The following USP37 variants were observed in gnomAD, a reference collection of about 807,000 sequenced individuals.
USP37 encodes the protein ubiquitin specific peptidase 37, also known as ubiquitin carboxyl-terminal hydrolase 37.
USP37 carries 27 observed loss-of-function variants against 124.0 expected under a neutral mutation model. The observed-to-expected ratio is 0.22, with a 90% CI of 0.16 to 0.30. USP37 has a LOEUF of 0.30. USP37 is among the 10% of genes least tolerant of loss of function. The pLI is 1.00. For synonymous variants in USP37, 365 were observed against 388.0 expected (o/e 0.94, Z 0.70); for missense variants, 889 against 1,140.4 (o/e 0.78, Z 3.17).
At chr2:218,469,550 C>A (rs1458632227) in intron 20 of USP37, among the ~76,000 whole-genome samples, 1 of 151,970 alleles carries the variant, frequency 6.6e-6, no homozygotes, top group South Asian at 2.1e-4. Context: ...TTTTCTTAAC[C>A]AATAATTTTG....
intron 13 of USP37, 40 bp from the exon 14 acceptor site, chr2:218,495,990 T>G: frequency 6.4e-7 from 1 of 1,566,964 alleles, no homozygotes; most frequent in South Asian, 1.2e-5. Flanking sequence ...TAAAAACATT[T>G]CTTGTCACAA....
chr2:218,558,632 C>A lies in USP37; in HGVS notation c.22G>T (p.Gly8Cys). 1.2e-6 allele frequency: 2 copies of A among 1,609,280 alleles called. No individual in the cohort carries two copies. Among genetic ancestry groups the A allele is most frequent in the Non-Finnish European group, 1.7e-6 (2 of 1,178,020 alleles). Residue 8 changes from glycine to cysteine, a missense_variant, in exon 4 of 26, where the codon GGT becomes TGT. By Grantham distance (159) the Gly-to-Cys change is radical (BLOSUM62 -3). Transcript: ENST00000258399. ...TGCATACTTCGAATTCTGATAGGAC[C>A]ATGTATCTTCAGAGGAGACATATTT... MSPLKIH[G>C]PIRIRSMQTG...
intron 17 of USP37, among the ~76,000 whole-genome samples, chr2:218,480,317 G>A (rs1273108542): frequency 1.4e-5 from 2 of 147,902 alleles, no homozygotes; most frequent in African/African-American, 2.5e-5. Context: ...GGAGAATGGC[G>A]TGAAGCCGGG....
chr2:218,556,564 A>C (rs2106056201), intron 4 of USP37, among the ~76,000 whole-genome samples: 1 of 113,762 alleles, frequency 8.8e-6, no homozygotes. Flanking sequence ...CCCAGGCTGG[A>C]GTGCAATGGT....
intron 11 of USP37, among the ~76,000 whole-genome samples, chr2:218,506,664 T>C (rs1189658406): frequency 6.6e-6 from 1 of 151,844 alleles, no homozygotes. Context: ...CCATTTCCAT[T>C]TGAAATTATT....
intron 3 of USP37, among the ~76,000 whole-genome samples, chr2:218,560,346 C>G (rs988251073): frequency 6.6e-6 from 1 of 152,154 alleles, no homozygotes; most frequent in Non-Finnish European, 1.5e-5. Flanking sequence ...AGCCAGCCAG[C>G]CCTATCACTT....
intron 20 of USP37, among the ~76,000 whole-genome samples, chr2:218,468,722 C>T (rs1690507076): frequency 6.6e-6 from 1 of 152,050 alleles, no homozygotes. Context: ...GAGACCGACT[C>T]TCACTCTGTT....
At position 218,541,461 on chromosome 2, in the gene USP37, T is replaced by C. The variant is rs140076727; in HGVS notation, c.680+4760A>G. On this transcript the variant is annotated intron_variant, in intron 8 of 25. Transcript: ENST00000258399. ...TGCTCAGTGATAAGCATAGCTCTCA[T>C]GTAATTATAATGGGCAATCACAACA... Among the ~76,000 whole-genome samples the C allele has an allele frequency of 5.3e-5, 8 of 152,220 alleles. No individual in the cohort carries two copies. In the East Asian group the frequency reaches 1.5e-3, roughly 29 times the overall value.
intron 16 of USP37, among the ~76,000 whole-genome samples, chr2:218,485,297 T>C (rs1691491747): frequency 2.0e-5 from 3 of 151,922 alleles, no homozygotes; most frequent in Admixed American, 2.0e-4. Flanking sequence ...TTTCAAACGC[T>C]TTTCCTTCCT....
chr2:218,477,886 A>C (rs1198240770), intron 18 of USP37, among the ~76,000 whole-genome samples: 1 of 152,200 alleles, frequency 6.6e-6, no homozygotes, highest in Non-Finnish European at 1.5e-5. Context: ...AAATTCACTT[A>C]TGTGGAATCC....
chr2:218,556,106 T>G (rs936949759), intron 4 of USP37, among the ~76,000 whole-genome samples: 3 of 152,220 alleles, frequency 2.0e-5, no homozygotes, highest in African/African-American at 7.2e-5. Flanking sequence ...CTTGGCTCCT[T>G]AGAACTTCTG....
At chr2:218,481,195 G>C (rs759998872) in intron 17 of USP37, among the ~76,000 whole-genome samples, 17 of 152,184 alleles carry the variant, frequency 1.1e-4, no homozygotes, top group Admixed American at 9.2e-4. Flanking sequence ...CAGCATACAT[G>C]ATGAAGCAAA....
intron 9 of USP37, among the ~76,000 whole-genome samples, chr2:218,533,600 T>C (rs534991284): frequency 5.4e-4 from 83 of 152,306 alleles, no homozygotes; most frequent in Non-Finnish European, 1.0e-3. Flanking sequence ...TGAGAGACAA[T>C]AAGCAGAGTT....
chr2:218,518,675 T>C (rs1246696112), intron 10 of USP37, among the ~76,000 whole-genome samples: 1 of 152,236 alleles, frequency 6.6e-6, no homozygotes, highest in Non-Finnish European at 1.5e-5. Context: ...GGTTAAGATA[T>C]TTCTAATAAC....
At chr2:218,539,945 G>C (rs1262246571) in intron 8 of USP37, among the ~76,000 whole-genome samples, 1 of 152,086 alleles carries the variant, frequency 6.6e-6, no homozygotes, top group Non-Finnish European at 1.5e-5. Context: ...AGGAGGCAGA[G>C]GTTGCAATGA....
intron 13 of USP37, among the ~76,000 whole-genome samples, chr2:218,496,193 T>C (rs1689070233): frequency 6.6e-6 from 1 of 151,980 alleles, no homozygotes; most frequent in Non-Finnish European, 1.5e-5. Flanking sequence ...CTTGGGAGGC[T>C]GAGGCAGAAA....
chr2:218,459,836 A>T lies in USP37; in HGVS notation c.2597T>A (p.Met866Lys), dbSNP rs747672159. The stretch of plus-strand genomic sequence containing the variant: ...CTCAGCTTCAGCTTCTGTGTACTCC[A>T]TATCAAAAACATCCTCATTTCCAGA... ...EDSGNEDVFD[M>K]EYTEAEAEEL... The change falls in exon 23 of 26, where the codon ATG (methionine) becomes AAG (lysine). Residue 866 changes from methionine to lysine, a missense_variant. Met to Lys is a moderately conservative substitution (Grantham distance 95, BLOSUM62 -1). Around this residue, in one of 3 missense-constraint regions of USP37, gnomAD observed 504 missense variants for 714.3 expected, o/e 0.71. Coordinates refer to ENST00000258399, the MANE Select transcript of USP37 (RefSeq NM_020935.3). 3 of 1,614,028 alleles carry T rather than the reference A, an allele frequency of 1.9e-6. No individual in the cohort carries two copies. The highest frequency in any genetic ancestry group is 2.5e-6 in the Non-Finnish European group (3 of 1,179,926).
rs1378428277 is a variant in USP37, at chr2:218,450,560, A to C, written c.*4370T>G. 2.0e-5 allele frequency: 3 copies of C among 152,668 alleles called. No homozygotes were observed. The highest frequency in any genetic ancestry group is 7.2e-5 in the African/African-American group (3 of 41,470). 9.5% of individuals were successfully genotyped at this position (152,668 alleles called of 1,614,324 possible). A position where few individuals can be genotyped will look rare whatever the true frequency, so the allele number is the denominator to read the frequency against. On this transcript the variant is annotated 3_prime_UTR_variant, in exon 26 of 26. Coordinates refer to ENST00000258399, the MANE Select transcript of USP37 (RefSeq NM_020935.3). The stretch of plus-strand genomic sequence containing the variant: ...TTAAGTTTAAAGAAACAACAATGAC[A>C]ATAGGCCAGAGAAGTTAGGGAGGGA...
intron 8 of USP37, among the ~76,000 whole-genome samples, chr2:218,535,745 C>T (rs139896386): frequency 0.013 from 1,940 of 151,576 alleles, 47 homozygotes; most frequent in African/African-American, 0.045. Context: ...GTCCCATCTA[C>T]GCAGGAGGCT....
Sources: gnomAD v4.1 joint callset for allele counts (sites outside exome capture counted in the v4.1 genomes callset) on GRCh38, gnomAD v4.1.1 for gene constraint, gnomAD v4.1.1 regional missense constraint, MANE v1.5 for transcripts, NCBI Gene and HGNC (gene_info 2026-07-23, HGNC 2026-07-21) for gene names.